IL1RAPL2: variants seen among roughly 807,000 people sequenced by gnomAD.
The protein encoded by IL1RAPL2 is interleukin 1 receptor accessory protein like 2, also known as X-linked interleukin-1 receptor accessory protein-like 2.
A neutral mutation model predicts 44.1 loss-of-function variants in IL1RAPL2; 3 were observed. The ratio of observed to expected loss-of-function variants is 0.07; its 90% CI spans 0.03 to 0.18. IL1RAPL2 has a LOEUF of 0.18. Ranked by LOEUF, IL1RAPL2 falls within the 10% of genes least tolerant of loss-of-function variation. IL1RAPL2 has a pLI of 1.00. For missense variants in IL1RAPL2, 391 were observed against 496.4 expected (o/e 0.79, Z 2.02); for synonymous variants, 181 against 178.8 (o/e 1.01, Z -0.10).
At chrX:104,581,286 C>G (rs1176576070) in intron 1 of IL1RAPL2, among the ~76,000 whole-genome samples, 1 of 111,766 alleles carries the variant, frequency 8.9e-6, no homozygotes, top group Non-Finnish European at 1.9e-5. Flanking sequence ...TTATGTGGCT[C>G]GGCCAACTTT....
chrX:105,722,886 G>A (rs914568297), intron 7 of IL1RAPL2, among the ~76,000 whole-genome samples: 8 of 110,663 alleles, frequency 7.2e-5, no homozygotes, highest in Admixed American at 1.9e-4. Context: ...TTCTTCTATC[G>A]TCCTAATGAA....
At chrX:105,543,591 C>T (rs989644632) in intron 6 of IL1RAPL2, among the ~76,000 whole-genome samples, 15 of 112,086 alleles carry the variant, frequency 1.3e-4, no homozygotes, top group African/African-American at 3.9e-4. Context: ...CAGCCTGAGA[C>T]ATCTGAAGCC....
chrX:105,392,989 C>T (rs1273269984), intron 5 of IL1RAPL2, among the ~76,000 whole-genome samples: 4 of 112,423 alleles, frequency 3.6e-5, no homozygotes, highest in African/African-American at 1.3e-4. Context: ...AATGTACTAG[C>T]GTAATCAACC....
At chrX:104,735,613 A>G (rs1047275599) in intron 2 of IL1RAPL2, among the ~76,000 whole-genome samples, 7 of 111,574 alleles carry the variant, frequency 6.3e-5, no homozygotes, top group Non-Finnish European at 1.9e-5. Flanking sequence ...AGCGCATCCC[A>G]CAGTAGGCTC....
At chrX:105,463,729 A>G (rs2036109797) in intron 5 of IL1RAPL2, among the ~76,000 whole-genome samples, 1 of 112,168 alleles carries the variant, frequency 8.9e-6, no homozygotes, top group Non-Finnish European at 1.9e-5. Flanking sequence ...TTATGTGTAC[A>G]GAGTAATGGT....
intron 6 of IL1RAPL2, among the ~76,000 whole-genome samples, chrX:105,605,645 A>G (rs950499943): frequency 8.9e-6 from 1 of 111,928 alleles, no homozygotes; most frequent in African/African-American, 3.2e-5. Context: ...AGCCAAAGCA[A>G]TCTTGAACAA....
At chrX:104,842,002 C>T (rs1021919265) in intron 2 of IL1RAPL2, among the ~76,000 whole-genome samples, 1 of 110,172 alleles carries the variant, frequency 9.1e-6, no homozygotes, top group African/African-American at 3.3e-5. Context: ...TGCTTCAATT[C>T]CCCCCCTTAA....
intron 2 of IL1RAPL2, among the ~76,000 whole-genome samples, chrX:104,722,572 T>A (rs769490848): frequency 2.7e-4 from 30 of 111,874 alleles, no homozygotes; most frequent in Non-Finnish European, 5.1e-4. Context: ...TCACTTAAGG[T>A]GATAACTCTG....
chrX:104,572,111 T>G (rs1478081915), intron 1 of IL1RAPL2, among the ~76,000 whole-genome samples: 1 of 111,948 alleles, frequency 8.9e-6, no homozygotes, highest in East Asian at 2.8e-4. Flanking sequence ...GCCCTTCCCC[T>G]TTCTTTACCT....
At chrX:104,759,197 C>A (rs1324391506) in intron 2 of IL1RAPL2, among the ~76,000 whole-genome samples, 1 of 112,516 alleles carries the variant, frequency 8.9e-6, no homozygotes. Flanking sequence ...TGAGATCTTA[C>A]AGAATGAATA....
At chrX:104,636,358 T>G (rs1929805694) in intron 1 of IL1RAPL2, among the ~76,000 whole-genome samples, 1 of 112,061 alleles carries the variant, frequency 8.9e-6, no homozygotes, top group African/African-American at 3.2e-5. Flanking sequence ...GAACCACTAC[T>G]CTCTTCAAAG....
chrX:105,377,069 A>G (rs2035392969), intron 5 of IL1RAPL2, among the ~76,000 whole-genome samples: 1 of 111,975 alleles, frequency 8.9e-6, no homozygotes, highest in Admixed American at 9.5e-5. Flanking sequence ...CACTCTTAAC[A>G]GATTTTTTGT....
At chrX:104,608,863 T>C (rs1016140215) in intron 1 of IL1RAPL2, among the ~76,000 whole-genome samples, 2 of 110,966 alleles carry the variant, frequency 1.8e-5, no homozygotes, top group African/African-American at 6.6e-5. Context: ...AAGGTTGATA[T>C]TGTTATGTGT....
rs756660832 is a variant in IL1RAPL2, at chrX:104,743,349, C to T, written c.82+84354C>T. 7.5e-5 allele frequency among the ~76,000 whole-genome samples: 8 copies of T among 106,572 alleles called. No individual in the cohort carries two copies. The South Asian group carries it at 2.1e-3, about 28-fold the overall frequency. The allele number at this position is 106,572 out of a possible 115,157, so 92.5% of individuals were successfully genotyped here. On this transcript the variant is annotated intron_variant, in intron 2 of 10. Coordinates refer to ENST00000372582, the MANE Select transcript of IL1RAPL2 (RefSeq NM_017416.2). ...TTTTTTTTGCATTTTTATTATCCCTCTACAAAGGTAATTGAAATTGGTTTG... is the reference window on the plus strand; with the variant it reads ...TTTTTTTTGCATTTTTATTATCCCTTTACAAAGGTAATTGAAATTGGTTTG...
chrX:104,642,586 G>A (rs1017078268), intron 1 of IL1RAPL2, among the ~76,000 whole-genome samples: 10 of 110,588 alleles, frequency 9.0e-5, no homozygotes, highest in African/African-American at 3.3e-4. Context: ...CCAGGTCCAA[G>A]CAACTTTTCT....
At chrX:104,639,723 A>G (rs772677699) in intron 1 of IL1RAPL2, among the ~76,000 whole-genome samples, 50 of 111,281 alleles carry the variant, frequency 4.5e-4, no homozygotes, top group Non-Finnish European at 8.7e-4. Flanking sequence ...CCCAGAATTT[A>G]CTTGTCTGGG....
At chrX:104,859,635 C>G (rs1231315506) in intron 2 of IL1RAPL2, among the ~76,000 whole-genome samples, 1 of 111,936 alleles carries the variant, frequency 8.9e-6, no homozygotes, top group Non-Finnish European at 1.9e-5. Context: ...GGCCATGAAG[C>G]TGTAATTTAG....
At chrX:105,104,100 A>C (rs2032706326) in intron 2 of IL1RAPL2, among the ~76,000 whole-genome samples, 2 of 111,282 alleles carry the variant, frequency 1.8e-5, no homozygotes, top group African/African-American at 6.5e-5. Context: ...TGTCTTCATT[A>C]GTGGGTTCTA....
intron 2 of IL1RAPL2, among the ~76,000 whole-genome samples, chrX:104,790,383 C>T (rs1223503377): frequency 9.0e-6 from 1 of 110,795 alleles, no homozygotes; most frequent in African/African-American, 3.3e-5. Context: ...TCTTTTTGTT[C>T]TTCACGCCCT....
Sources: allele counts gnomAD v4.1 joint callset (sites outside exome capture counted in the v4.1 genomes callset), GRCh38; gene constraint gnomAD v4.1.1; transcripts MANE v1.5; gene names NCBI Gene and HGNC (gene_info 2026-07-23, HGNC 2026-07-21).